SHROOM3: variants seen among roughly 807,000 people sequenced by gnomAD.
SHROOM3 encodes the protein shroom family member 3, also known as protein Shroom3.
SHROOM3 carries 47 observed loss-of-function variants against 138.6 expected under a neutral mutation model. The ratio of observed to expected loss-of-function variants is 0.34; its 90% CI spans 0.27 to 0.43. The LOEUF is 0.43. SHROOM3 is among the 20% of genes least tolerant of loss of function. The pLI, the probability that SHROOM3 is intolerant of heterozygous loss-of-function variation, is 1.00. For missense variants in SHROOM3, 2,491 were observed against 2,596.5 expected, an observed-to-expected ratio of 0.96 and a Z score of 0.88; for synonymous variants, 1,062 against 1,063.3, an observed-to-expected ratio of 1.00 and a Z score of 0.02.
intron 1 of SHROOM3, among the ~76,000 whole-genome samples, chr4:76,468,223 A>T (rs1354748900): frequency 2.0e-5 from 3 of 152,264 alleles, no homozygotes; most frequent in African/African-American, 4.8e-5. Flanking sequence ...TATAGGGGAC[A>T]TTCCTACATA....
chr4:76,498,457 A>G (rs992445295), intron 1 of SHROOM3, among the ~76,000 whole-genome samples: 1 of 152,090 alleles, frequency 6.6e-6, no homozygotes, highest in Non-Finnish European at 1.5e-5. Flanking sequence ...GGAGGAGGAG[A>G]GAGCTCGTCC....
chr4:76,634,704 G>A (rs4859699), intron 2 of SHROOM3, among the ~76,000 whole-genome samples: 40,211 of 151,898 alleles, frequency 0.26, 5,727 homozygotes, highest in East Asian at 0.38. Context: ...ATCTCTAACC[G>A]TATTTCATAT....
At chr4:76,522,769 C>A (rs1038194527) in intron 1 of SHROOM3, among the ~76,000 whole-genome samples, 1 of 152,076 alleles carries the variant, frequency 6.6e-6, no homozygotes, top group East Asian at 1.9e-4. Flanking sequence ...GCTGGGGCAA[C>A]AAAGTGAGAC....
chr4:76,634,139 A>G (rs1481573832), intron 2 of SHROOM3, among the ~76,000 whole-genome samples: 2 of 152,202 alleles, frequency 1.3e-5, no homozygotes, highest in Non-Finnish European at 2.9e-5. Flanking sequence ...TCACGTATGT[A>G]CACTTTCCTT....
intron 1 of SHROOM3, among the ~76,000 whole-genome samples, chr4:76,477,694 G>T (rs909807584): frequency 2.0e-5 from 3 of 152,156 alleles, no homozygotes; most frequent in Non-Finnish European, 4.4e-5. Flanking sequence ...CAAGATGGCC[G>T]AATAGGAACA....
chr4:76,438,309 T>C (rs1412631360), intron 1 of SHROOM3, among the ~76,000 whole-genome samples: 1 of 152,148 alleles, frequency 6.6e-6, no homozygotes, highest in Non-Finnish European at 1.5e-5. Context: ...CCACATCTGC[T>C]TTCCAGTCAG....
rs367996923 is a variant in SHROOM3, at chr4:76,703,939, T to A, written c.324-6217T>A. ...ATTGCACTGAGCCATACCAGCTGTT[T>A]GTCGAAGGGGCTCTGCCACAGTCTC... On this transcript the variant is annotated intron_variant, in intron 2 of 10. Transcript: ENST00000296043. Among the ~76,000 whole-genome samples the A allele has an allele frequency of 2.6e-5, 4 of 152,318 alleles. No individual in the cohort carries two copies. The South Asian group carries it at 8.3e-4, about 32-fold the overall frequency.
At chr4:76,510,355 G>C (rs1560528927) in intron 1 of SHROOM3, among the ~76,000 whole-genome samples, 2 of 152,124 alleles carry the variant, frequency 1.3e-5, no homozygotes, top group Non-Finnish European at 2.9e-5. Context: ...AAAAAATGGG[G>C]GCAAGAGCAC....
chr4:76,644,745 T>G lies in SHROOM3; in HGVS notation c.324-65411T>G, dbSNP rs186066486. Among the ~76,000 whole-genome samples the G allele has an allele frequency of 1.4e-3, 208 of 152,338 alleles. 1 individual carries two copies. Among genetic ancestry groups the G allele is most frequent in the African/African-American group, 4.6e-3 (191 of 41,584 alleles). On this transcript the variant is annotated intron_variant, in intron 2 of 10. Transcript: ENST00000296043. ...AGTTATATAGGATTCACTTTCACTT[T>G]CAGCATCATTTCATCTGGATTCACG... is the stretch of plus-strand genomic sequence containing the variant.
chr4:76,501,449 G>A (rs190130991), intron 1 of SHROOM3, among the ~76,000 whole-genome samples: 35 of 152,010 alleles, frequency 2.3e-4, no homozygotes, highest in Non-Finnish European at 4.0e-4. Flanking sequence ...TCTAATATTC[G>A]ACCTTTTACT....
At chr4:76,566,087 C>T (rs764466939) in intron 2 of SHROOM3, among the ~76,000 whole-genome samples, 82 of 130,124 alleles carry the variant, frequency 6.3e-4, no homozygotes, top group Admixed American at 2.3e-3. Flanking sequence ...CTAGCCTGGG[C>T]GACAGAGCAA....
At chr4:76,541,843 C>T (rs73826267) in intron 1 of SHROOM3, among the ~76,000 whole-genome samples, 4,103 of 152,196 alleles carry the variant, frequency 0.027, 201 homozygotes, top group African/African-American at 0.092. Context: ...TGGAGTGCAG[C>T]GGCCTCTTGT....
At chr4:76,606,484 A>G (rs1397511472) in intron 2 of SHROOM3, among the ~76,000 whole-genome samples, 1 of 151,952 alleles carries the variant, frequency 6.6e-6, no homozygotes, top group Non-Finnish European at 1.5e-5. Flanking sequence ...CGGGTGGATC[A>G]TTTGAGGTCA....
chr4:76,698,136 T>G (rs1719800284), intron 2 of SHROOM3, among the ~76,000 whole-genome samples: 1 of 152,160 alleles, frequency 6.6e-6, no homozygotes, highest in Non-Finnish European at 1.5e-5. Context: ...AGTCCCCCTT[T>G]GGGTGATAGC....
intron 4 of SHROOM3, among the ~76,000 whole-genome samples, chr4:76,736,048 G>C (rs1215616621): frequency 6.6e-6 from 1 of 151,410 alleles, no homozygotes; most frequent in Admixed American, 6.6e-5. Context: ...TTGGGAGGAG[G>C]ATTACCTAAT....
At chr4:76,541,214 C>T (rs1733090322) in intron 1 of SHROOM3, among the ~76,000 whole-genome samples, 2 of 151,994 alleles carry the variant, frequency 1.3e-5, no homozygotes, top group South Asian at 4.1e-4. Flanking sequence ...GAATTTCAGT[C>T]TAAGGAATGA....
intron 1 of SHROOM3, among the ~76,000 whole-genome samples, chr4:76,480,248 A>G (rs1377820798): frequency 6.6e-6 from 1 of 152,266 alleles, no homozygotes; most frequent in African/African-American, 2.4e-5. Flanking sequence ...GACCCATCTC[A>G]TGTGCAAAGA....
chr4:76,572,478 G>T (rs1455740356), intron 2 of SHROOM3, among the ~76,000 whole-genome samples: 1 of 152,212 alleles, frequency 6.6e-6, no homozygotes, highest in Non-Finnish European at 1.5e-5. Context: ...TATTCCCAGT[G>T]CAGTCAGTAG....
chr4:76,537,171 T>C (rs553543844), intron 1 of SHROOM3, among the ~76,000 whole-genome samples: 3 of 152,232 alleles, frequency 2.0e-5, no homozygotes, highest in African/African-American at 7.2e-5. Context: ...GCCATGTAGC[T>C]ACTGAGAGGG....
Sources: gnomAD v4.1 joint callset for allele counts (sites outside exome capture counted in the v4.1 genomes callset) on GRCh38, gnomAD v4.1.1 for gene constraint, MANE v1.5 for transcripts, NCBI Gene and HGNC (gene_info 2026-07-23, HGNC 2026-07-21) for gene names.